The following SPTBN1 variants were observed in gnomAD, a reference collection of about 807,000 sequenced individuals.
The protein encoded by SPTBN1 is spectrin beta chain, non-erythrocytic 1.
SPTBN1 carries 32 observed loss-of-function variants against 266.4 expected under a neutral mutation model. The ratio of observed to expected loss-of-function variants is 0.12; its 90% CI spans 0.09 to 0.16. The LOEUF is 0.16. SPTBN1 is among the 10% of genes least tolerant of loss of function. The pLI is 1.00. For missense variants in SPTBN1, 2,296 were observed against 3,067.1 expected (o/e 0.75, Z 5.94); for synonymous variants, 1,336 against 1,162.2 (o/e 1.15, Z -3.04).
At chr2:54,485,435 T>C (rs6732788) in intron 1 of SPTBN1, among the ~76,000 whole-genome samples, 90,959 of 151,136 alleles carry the variant, frequency 0.6, 28,675 homozygotes, top group African/African-American at 0.8. Flanking sequence ...GTGAGTGATC[T>C]GCCAGCCTCG....
Position 54,644,480 on chromosome 2 carries a change from G to A in SPTBN1, c.4163G>A (p.Ser1388Asn). ...AACAAGGCCGAACTTTTCACCCAGA[G>A]CTGTGCAGATCTAGACAAATGGCTG... ...DANKAELFTQ[S>N]CADLDKWLHG... The change falls in exon 20 of 36, where the codon AGC (serine) becomes AAC (asparagine). Residue 1388 changes from serine to asparagine, a missense_variant. Transcript: ENST00000356805. 1 of 1,614,232 alleles carries A rather than the reference G, an allele frequency of 6.2e-7. No homozygotes were observed. The highest frequency in any genetic ancestry group is 8.5e-7 in the Non-Finnish European group (1 of 1,180,042).
chr2:54,515,257 T>C (rs1032854089), intron 1 of SPTBN1, among the ~76,000 whole-genome samples: 2 of 152,098 alleles, frequency 1.3e-5, no homozygotes, highest in Non-Finnish European at 2.9e-5. Flanking sequence ...CCCAGCAAAT[T>C]ATCCTTAAAA....
At chr2:54,632,111 T>C (rs1462899326) in intron 16 of SPTBN1, among the ~76,000 whole-genome samples, 1 of 145,784 alleles carries the variant, frequency 6.9e-6, no homozygotes, top group Admixed American at 6.8e-5. Context: ...ACGGTGAGGA[T>C]TTTTTTTTTT....
chr2:54,628,278 C>G lies in SPTBN1; in HGVS notation c.1798+28C>G. On this transcript the variant is annotated intron_variant, in intron 13 of 35. Transcript: ENST00000356805. The surrounding 1 kb of genome is among the most constrained non-coding windows in gnomAD (Gnocchi z 4.3). ...AAGGATGGCCCATTCCAAGCATTAC[C>G]TCCGGGTCACCAGAGATTCATATTT... is the stretch of plus-strand genomic sequence containing the variant. 1.3e-6 allele frequency: 2 copies of G among 1,589,444 alleles called. No individual in the cohort carries two copies. The highest frequency in any genetic ancestry group is 1.7e-6 in the Non-Finnish European group (2 of 1,168,290).
chr2:54,552,355 A>T (rs1305719192), intron 2 of SPTBN1, among the ~76,000 whole-genome samples: 1 of 152,214 alleles, frequency 6.6e-6, no homozygotes, highest in East Asian at 1.9e-4. Context: ...TTTATAAATT[A>T]TCTCAACCTC....
chr2:54,594,724 C>G (rs1477965704), intron 2 of SPTBN1, among the ~76,000 whole-genome samples: 1 of 152,068 alleles, frequency 6.6e-6, no homozygotes, highest in African/African-American at 2.4e-5. Flanking sequence ...TTTTAAATAG[C>G]TGGCCCAGGT....
intron 1 of SPTBN1, among the ~76,000 whole-genome samples, chr2:54,494,909 T>TA (rs202020709): frequency 0.052 from 5,172 of 98,630 alleles, 251 homozygotes; most frequent in African/African-American, 0.21. Context: ...AATAAAGCTG[T>TA]TTTTTTTTAA....
rs965585986 is a variant in SPTBN1, at chr2:54,490,587, G to T, written c.-48+34069G>T. On this transcript the variant is annotated intron_variant, in intron 1 of 35. Coordinates refer to ENST00000356805, the MANE Select transcript of SPTBN1 (RefSeq NM_003128.3). The stretch of plus-strand genomic sequence containing the variant: ...AAGTAATTGGCTATCTTATTAATCT[G>T]CTGTTCCTGAATTTCCCCTTAGTAG... Among the ~76,000 whole-genome samples the T allele has an allele frequency of 2.0e-5, 3 of 152,146 alleles. No individual in the cohort carries two copies. The East Asian group carries it at 5.8e-4, about 29-fold the overall frequency.
chr2:54,563,409 G>T (rs1462362764), intron 2 of SPTBN1, among the ~76,000 whole-genome samples: 1 of 152,088 alleles, frequency 6.6e-6, no homozygotes, highest in Non-Finnish European at 1.5e-5. Flanking sequence ...ACCAGGAGAG[G>T]TATGAAGTGC....
chr2:54,572,236 T>C (rs1168693050), intron 2 of SPTBN1, among the ~76,000 whole-genome samples: 1 of 152,132 alleles, frequency 6.6e-6, no homozygotes, highest in African/African-American at 2.4e-5. Context: ...TTGAATGAGA[T>C]GGGGCAAGAA....
chr2:54,653,981 G>A lies in SPTBN1; in HGVS notation c.5822+128G>A, dbSNP rs1208164530. 9 of 1,399,470 alleles carry A rather than the reference G, an allele frequency of 6.4e-6. No individual in the cohort carries two copies. The highest frequency in any genetic ancestry group is 8.6e-6 in the Non-Finnish European group (9 of 1,047,342). The allele number at this position is 1,399,470 out of a possible 1,614,324, so 86.7% of individuals were successfully genotyped here. A position where few individuals can be genotyped will look rare whatever the true frequency, so the allele number is the denominator to read the frequency against. The stretch of plus-strand genomic sequence containing the variant: ...CGCTTCAAGGCCAGAGTGGGGGTGG[G>A]GCGGTGCTTGGAGTGCGGCACCACT... On this transcript the variant is annotated intron_variant, in intron 27 of 35. Transcript: ENST00000356805. The surrounding 1 kb of genome is among the most constrained non-coding windows in gnomAD (Gnocchi z 5.1).
rs1174977473 is a variant in SPTBN1, at chr2:54,670,034, A to G, written c.*1465A>G. ...CTGTTGCTCAATTCTGCTGTTGCGT[A>G]ATACAAAGGCAGCCATTGACGGTAT... On this transcript the variant is annotated 3_prime_UTR_variant, in exon 36 of 36. Transcript: ENST00000356805. 1.3e-5 allele frequency: 2 copies of G among 152,226 alleles called. No individual in the cohort carries two copies. The highest frequency in any genetic ancestry group is 4.8e-5 in the African/African-American group (2 of 41,462). 9.4% of individuals were successfully genotyped at this position (152,226 alleles called of 1,614,324 possible). A position where few individuals can be genotyped will look rare whatever the true frequency, so the allele number is the denominator to read the frequency against.
At chr2:54,576,783 A>G (rs565802400) in intron 2 of SPTBN1, among the ~76,000 whole-genome samples, 1 of 152,342 alleles carries the variant, frequency 6.6e-6, no homozygotes, top group East Asian at 1.9e-4. Flanking sequence ...GCACACTGGA[A>G]ACACAGGTGT....
chr2:54,618,180 G>T lies in SPTBN1; in HGVS notation c.750G>T (p.Leu250=). The change falls in exon 7 of 36, where the codon CTG becomes CTT. Residue 250 remains leucine, a synonymous_variant. Transcript: ENST00000356805. ...LAEQHLGLTK[L]LDPEDISVDH... ...AACAGCACCTCGGCCTCACTAAACTGTTGGACCCCGAAGGTAGGGACTCAA... is the reference window on the plus strand; with the variant it reads ...AACAGCACCTCGGCCTCACTAAACTTTTGGACCCCGAAGGTAGGGACTCAA... 1 of 1,614,066 alleles carries T rather than the reference G, an allele frequency of 6.2e-7. No individual in the cohort carries two copies. Among genetic ancestry groups the T allele is most frequent in the Non-Finnish European group, 8.5e-7 (1 of 1,179,948 alleles).
At position 54,628,838 on chromosome 2, in the gene SPTBN1, A is replaced by G. The variant is rs536687586; in HGVS notation, c.1799-95A>G. The stretch of plus-strand genomic sequence containing the variant: ...TACATTTAGCAGTGAGCTGGTAATC[A>G]TAAGAATATGGGGTGTAGCTTACTG... On this transcript the variant is annotated intron_variant, in intron 13 of 35. Transcript: ENST00000356805. The surrounding 1 kb of genome is among the most constrained non-coding windows in gnomAD (Gnocchi z 4.3). The G allele has an allele frequency of 8.2e-6, 12 of 1,464,706 alleles. No homozygotes were observed. In the East Asian group the frequency reaches 9.2e-5, roughly 11 times the overall value. The allele number at this position is 1,464,706 out of a possible 1,614,324, so 90.7% of individuals were successfully genotyped here. A position where few individuals can be genotyped will look rare whatever the true frequency, so the allele number is the denominator to read the frequency against.
In SPTBN1 at chr2:54,671,159, T is replaced by C; in HGVS notation, c.*2590T>C. 5.3e-6 allele frequency: 1 copy of C among 186,960 alleles called. No individual in the cohort carries two copies. Among genetic ancestry groups the C allele is most frequent in the East Asian group, 1.2e-4 (1 of 8,048 alleles). 11.6% of individuals were successfully genotyped at this position (186,960 alleles called of 1,614,324 possible). On this transcript the variant is annotated 3_prime_UTR_variant, in exon 36 of 36. Transcript: ENST00000356805. ...GCGTTGTCACTTGAATCAAGGCCAC[T>C]TTTTGTCCTACTTGAGCATCTCAAG...
intron 2 of SPTBN1, among the ~76,000 whole-genome samples, chr2:54,529,110 C>T (rs767429186): frequency 4.3e-4 from 66 of 152,172 alleles, no homozygotes; most frequent in Non-Finnish European, 9.0e-4. Context: ...TGTTAAAGCA[C>T]GGGATGCTGA....
Position 54,645,768 on chromosome 2 carries a change from C to G in SPTBN1, c.4495-160C>G, listed in dbSNP as rs1252358024. On this transcript the variant is annotated intron_variant, in intron 21 of 35. Transcript: ENST00000356805. The surrounding 1 kb of genome is among the most constrained non-coding windows in gnomAD (Gnocchi z 4.3). ...TTGGAAAGACTCTCCCTAGCCCTGTCTCGGAGAACAAGGGCGTGCTTCCCC... is the reference window on the plus strand; with the variant it reads ...TTGGAAAGACTCTCCCTAGCCCTGTGTCGGAGAACAAGGGCGTGCTTCCCC... 6.6e-6 allele frequency among the ~76,000 whole-genome samples: 1 copy of G among 152,216 alleles called. No homozygotes were observed. Among genetic ancestry groups the G allele is most frequent in the Admixed American group, 6.5e-5 (1 of 15,288 alleles).
intron 1 of SPTBN1, among the ~76,000 whole-genome samples, chr2:54,490,554 G>C (rs1053471745): frequency 4.6e-5 from 7 of 152,316 alleles, no homozygotes; most frequent in African/African-American, 1.4e-4. Context: ...TTGGGAATAA[G>C]CACTTTGAAG....
Sources: allele counts gnomAD v4.1 joint callset (sites outside exome capture counted in the v4.1 genomes callset), GRCh38; gene constraint gnomAD v4.1.1; non-coding constraint Gnocchi (gnomAD v3.1); transcripts MANE v1.5; gene names NCBI Gene and HGNC (gene_info 2026-07-23, HGNC 2026-07-21).